TRPM1: variants seen among roughly 807,000 people sequenced by gnomAD.
TRPM1 encodes TRPM1-203 APA Isoform, Intron 10.
A neutral mutation model predicts 149.4 loss-of-function variants in TRPM1; 113 were observed. The observed-to-expected ratio is 0.76, with a 90% CI of 0.65 to 0.88. The LOEUF (loss-of-function observed/expected upper bound fraction) is 0.88. Ranked by LOEUF, TRPM1 falls within the 40% of genes least tolerant of loss-of-function variation. The probability of loss-of-function intolerance (pLI) is 0.00; values close to 1 mark genes in which losing one functional copy is unlikely to be tolerated. For missense variants in TRPM1, 1,976 were observed against 2,038.7 expected, an observed-to-expected ratio of 0.97 and a Z score of 0.59; for synonymous variants, 741 against 759.5, an observed-to-expected ratio of 0.98 and a Z score of 0.40.
At chr15:31,089,926 AC>A (rs2035183449) in intron 1 of TRPM1, among the ~76,000 whole-genome samples, 1 of 152,172 alleles carries the variant, frequency 6.6e-6, no homozygotes, top group African/African-American at 2.4e-5. Flanking sequence ...GGCCGGGAGC[AC>A]CGTGTGGGGG....
intron 1 of TRPM1, among the ~76,000 whole-genome samples, chr15:31,099,988 A>G (rs1161572705): frequency 6.6e-6 from 1 of 152,070 alleles, no homozygotes; most frequent in Non-Finnish European, 1.5e-5. Context: ...AATGTGTCTC[A>G]TCTTCCTTCC....
chr15:31,017,003 T>C (rs141268068), intron 27 of TRPM1, among the ~76,000 whole-genome samples: 1 of 151,918 alleles, frequency 6.6e-6, no homozygotes, highest in Non-Finnish European at 1.5e-5. Flanking sequence ...AAAAAACTTG[T>C]TTTTTAAATT....
At position 31,005,455 on chromosome 15, in the gene TRPM1, T is replaced by G. The variant is rs531094719; in HGVS notation, c.3630-2385A>C. 8.6e-5 allele frequency among the ~76,000 whole-genome samples: 13 copies of G among 151,882 alleles called. No individual in the cohort carries two copies. In the South Asian group the frequency reaches 2.5e-3, roughly 29 times the overall value. Reference sequence around the variant, plus strand: ...CCTTATACTAACTCCCTCCCCTCACTTCTCTCCTCTCCCCTCCCCTCTGCA... The same window carrying G: ...CCTTATACTAACTCCCTCCCCTCACGTCTCTCCTCTCCCCTCCCCTCTGCA... On this transcript the variant is annotated intron_variant, in intron 27 of 27. Coordinates refer to ENST00000256552, the MANE Select transcript of TRPM1 (RefSeq NM_001252024.2).
At chr15:31,089,734 C>T (rs1479266723) in intron 1 of TRPM1, among the ~76,000 whole-genome samples, 1 of 152,222 alleles carries the variant, frequency 6.6e-6, no homozygotes, top group Non-Finnish European at 1.5e-5. Flanking sequence ...AGGCCTGGAG[C>T]TTGCTTTAGA....
chr15:31,025,350 T>C (rs768680613), intron 27 of TRPM1, among the ~76,000 whole-genome samples: 3 of 152,168 alleles, frequency 2.0e-5, no homozygotes, highest in Non-Finnish European at 4.4e-5. Context: ...GTGCAGACAG[T>C]GAAGGTCCAT....
chr15:31,031,235 C>A, intron 22 of TRPM1, 78 bp from the exon 23 acceptor site: 1 of 1,507,488 alleles, frequency 6.6e-7, no homozygotes, highest in Non-Finnish European at 9.2e-7. Context: ...ATTGCTGTCT[C>A]CAATTAAGCA....
intron 27 of TRPM1, among the ~76,000 whole-genome samples, chr15:31,018,779 C>T (rs559572084): frequency 2.6e-5 from 4 of 152,352 alleles, no homozygotes; most frequent in Admixed American, 6.5e-5. Context: ...GATTCTCGTG[C>T]CTCAGTAGCT....
rs1333264640 is a variant in TRPM1 at position 31,050,390 on chromosome 15, T to C, written c.1437+19A>G. The C allele has an allele frequency of 6.2e-7, 1 of 1,614,176 alleles. No individual in the cohort carries two copies. Among genetic ancestry groups the C allele is most frequent in the Non-Finnish European group, 8.5e-7 (1 of 1,180,024 alleles). On this transcript the variant is annotated intron_variant, in intron 12 of 27. Transcript: ENST00000256552. ...GAAGGGTGATGCCAAGCTCGTGATC[T>C]CTGTGACCTTCCACATACCCAGTTC...
At chr15:31,094,555 A>G (rs1295487032) in intron 1 of TRPM1, among the ~76,000 whole-genome samples, 1 of 152,242 alleles carries the variant, frequency 6.6e-6, no homozygotes. Flanking sequence ...TGGGCAAAGG[A>G]CTTGAATAGA....
In TRPM1 at chr15:31,082,563, T is replaced by C. The variant is rs548111888; in HGVS notation, c.-83-1125A>G. Among the ~76,000 whole-genome samples, 13 of 152,306 alleles carry C rather than the reference T, an allele frequency of 8.5e-5. No homozygotes were observed. The East Asian group carries it at 2.5e-3, about 29-fold the overall frequency. Reference sequence around the variant, plus strand: ...TCATTATCAAATATGACTGCCCTGCTGAGGACCCAGCGATTTTTCATCTGT... The same window carrying C: ...TCATTATCAAATATGACTGCCCTGCCGAGGACCCAGCGATTTTTCATCTGT... On this transcript the variant is annotated intron_variant, in intron 1 of 27. Transcript: ENST00000256552.
intron 1 of TRPM1, among the ~76,000 whole-genome samples, chr15:31,093,518 A>C (rs1316862140): frequency 6.6e-6 from 1 of 152,232 alleles, no homozygotes; most frequent in African/African-American, 2.4e-5. Context: ...AAAGAAATTA[A>C]AGAAGGCATA....
At position 31,065,063 on chromosome 15, in the gene TRPM1, C is replaced by T. The variant is rs1185479942; in HGVS notation, c.790+1013G>A. 1.3e-5 allele frequency: 7 copies of T among 534,512 alleles called. No individual in the cohort carries two copies. In the African/African-American group the frequency reaches 1.3e-4, roughly 10 times the overall value. 33.1% of individuals were successfully genotyped at this position (534,512 alleles called of 1,614,324 possible). A position where few individuals can be genotyped will look rare whatever the true frequency, so the allele number is the denominator to read the frequency against. Reference sequence around the variant, plus strand: ...GCTGTGGGAAGTGACAACTGAGCACCCCTTTGCTGTCCCTGCCCTGCTCAG... The same window carrying T: ...GCTGTGGGAAGTGACAACTGAGCACTCCTTTGCTGTCCCTGCCCTGCTCAG... On this transcript the variant is annotated intron_variant, in intron 7 of 27. Transcript: ENST00000256552.
intron 1 of TRPM1, among the ~76,000 whole-genome samples, chr15:31,128,145 C>T (rs2035974707): frequency 6.6e-6 from 1 of 152,172 alleles, no homozygotes; most frequent in African/African-American, 2.4e-5. Context: ...GTAAGGGCTC[C>T]CCTATTCCCA....
chr15:31,137,319 A>G (rs1214623791), intron 1 of TRPM1, among the ~76,000 whole-genome samples: 2 of 152,196 alleles, frequency 1.3e-5, no homozygotes, highest in Admixed American at 1.3e-4. Context: ...TGGGATCTCT[A>G]ATTTCTAAAG....
In TRPM1 at chr15:31,040,351, G is replaced by A; in HGVS notation, c.2088-5C>T. 1.2e-6 allele frequency: 2 copies of A among 1,613,934 alleles called. No homozygotes were observed. Among genetic ancestry groups the A allele is most frequent in the South Asian group, 2.2e-5 (2 of 91,076 alleles). On this transcript the variant is annotated splice_region_variant and splice_polypyrimidine_tract_variant and intron_variant, in intron 17 of 27. Coordinates refer to ENST00000256552, the MANE Select transcript of TRPM1 (RefSeq NM_001252024.2). This position sits in a 1 kb window ranked among gnomAD's most constrained non-coding sequence, Gnocchi z 4.2. ...AAAGCAAGCTGGCCGAAGTCTCTGG[G>A]GGGAAAGAGAAGGGACCAGGGTGAA...
At chr15:31,113,768 T>C (rs1596081036) in intron 1 of TRPM1, among the ~76,000 whole-genome samples, 1 of 152,144 alleles carries the variant, frequency 6.6e-6, no homozygotes. Context: ...TCCCGGTGAG[T>C]GTTACAGCTC....
At chr15:31,148,404 C>T (rs1260409849) in intron 1 of TRPM1, among the ~76,000 whole-genome samples, 1 of 152,126 alleles carries the variant, frequency 6.6e-6, no homozygotes, top group African/African-American at 2.4e-5. Flanking sequence ...GCAGCTGCAC[C>T]CTGCGTTGTG....
intron 21 of TRPM1, among the ~76,000 whole-genome samples, chr15:31,033,950 T>G (rs925785951): frequency 5.3e-5 from 8 of 152,308 alleles, no homozygotes; most frequent in Admixed American, 3.3e-4. Context: ...TTTCAGGCTC[T>G]AATTAGACCG....
chr15:31,136,683 A>T (rs1226545953), intron 1 of TRPM1, among the ~76,000 whole-genome samples: 4 of 151,860 alleles, frequency 2.6e-5, no homozygotes, highest in Non-Finnish European at 5.9e-5. Flanking sequence ...CTCATAAGGA[A>T]AGTCACTTTG....
Sources: gnomAD v4.1 joint callset for allele counts (sites outside exome capture counted in the v4.1 genomes callset) on GRCh38, gnomAD v4.1.1 for gene constraint, Gnocchi (gnomAD v3.1) non-coding constraint, MANE v1.5 for transcripts, NCBI Gene and HGNC (gene_info 2026-07-23, HGNC 2026-07-21) for gene names.